MLNR: variants seen among roughly 807,000 people sequenced by gnomAD.
The protein encoded by MLNR is motilin receptor, also known as G protein-coupled receptor 38.
Under a neutral mutation model 20.0 loss-of-function variants are expected in MLNR, and 16 were observed. That is an observed-to-expected ratio of 0.80 (90% CI 0.54 to 1.22). The LOEUF is 1.22. MLNR is among the 50% of genes most tolerant of loss of function. The pLI is 0.00. For synonymous variants in MLNR, 302 were observed against 287.2 expected (o/e 1.05, Z -0.52); for missense variants, 630 against 592.3 (o/e 1.06, Z -0.66).
chr13:49,220,981 C>T lies in MLNR; in HGVS notation c.644C>T (p.Pro215Leu), dbSNP rs1240533952. 4 of 1,489,768 alleles carry T rather than the reference C, an allele frequency of 2.7e-6. No individual in the cohort carries two copies. Among genetic ancestry groups the T allele is most frequent in the Middle Eastern group, 2.0e-4 (1 of 4,970 alleles). 92.3% of individuals were successfully genotyped at this position (1,489,768 alleles called of 1,614,324 possible). ...CCTCTCTGGCTCTCGCGGGCGCCAC[C>T]GCCGTCCCCGCCGTCGGGGCCCGAG... Reference protein sequence around the residue: ...SPPLWLSRAPPPSPPSGPETA... With the variant: ...SPPLWLSRAPLPSPPSGPETA... The change falls in exon 1 of 2, where the codon CCG (proline) becomes CTG (leucine). Residue 215 changes from proline (P) to leucine (L), a missense_variant. Pro to Leu is a moderately conservative substitution (Grantham distance 98, BLOSUM62 -3). Coordinates refer to ENST00000218721, the MANE Select transcript of MLNR (RefSeq NM_001507.1). The surrounding 1 kb of genome is among the most constrained non-coding windows in gnomAD (Gnocchi z 4.4).
rs1236675567 is a variant in MLNR at position 49,222,251 on chromosome 13, C to T, written c.1113C>T (p.Leu371=). Residue 371 remains leucine, a synonymous_variant, in exon 2 of 2, where the codon CTC becomes CTT. Transcript: ENST00000218721. ...KYRAAAFKLL[L]ARKSRPRGFH... ...GAGCGGCGGCCTTTAAACTGCTGCTCGCAAGGAAGTCCAGGCCGAGAGGCT... is the reference window on the plus strand; with the variant it reads ...GAGCGGCGGCCTTTAAACTGCTGCTTGCAAGGAAGTCCAGGCCGAGAGGCT... 6.2e-7 allele frequency: 1 copy of T among 1,613,962 alleles called. No homozygotes were observed. Among genetic ancestry groups the T allele is most frequent in the South Asian group, 1.1e-5 (1 of 91,062 alleles).
intron 1 of MLNR, 125 bp from the exon 2 acceptor site, chr13:49,221,915 A>T: frequency 1.2e-6 from 1 of 839,954 alleles, no homozygotes; most frequent in Non-Finnish European, 1.9e-6. Context: ...GGATCTGCCT[A>T]GGTAGAAGTT....
Position 49,220,792 on chromosome 13 carries a change from G to C in MLNR, c.455G>C (p.Arg152Pro). The change falls in exon 1 of 2, where the codon CGG becomes CCG. Residue 152 changes from arginine to proline, a missense_variant. Arg to Pro is a moderately radical substitution (Grantham distance 103). Coordinates refer to ENST00000218721, the MANE Select transcript of MLNR (RefSeq NM_001507.1). The surrounding 1 kb of genome is among the most constrained non-coding windows in gnomAD (Gnocchi z 4.4). ...CTCCGCGCCCGCGTCTTGGTCACCC[G>C]GCGCCGCGTCCGCGCGCTCATCGCT... ...RPLRARVLVT[R>P]RRVRALIAVL... 1 of 1,565,648 alleles carries C rather than the reference G, an allele frequency of 6.4e-7. No individual in the cohort carries two copies. Among genetic ancestry groups the C allele is most frequent in the Admixed American group, 1.9e-5 (1 of 53,466 alleles).
rs1180665924 is a variant in MLNR, at chr13:49,220,583, GTCCGACC to G, written c.248_254del (p.Ser83TyrfsTer45). ...ACTTGTACCTGGGCAGCATGGCCGT[GTCCGACC>G]TACTCATCCTGCTCGGGCTGCCGTT... On this transcript the variant is annotated frameshift_variant, in exon 1 of 2. Transcript: ENST00000218721. LOFTEE classifies it high-confidence loss of function. This position sits in a 1 kb window ranked among gnomAD's most constrained non-coding sequence, Gnocchi z 4.4. 5 of 1,613,344 alleles carry G rather than the reference GTCCGACC, an allele frequency of 3.1e-6. No individual in the cohort carries two copies. The Admixed American group carries it at 8.3e-5, about 27-fold the overall frequency.
chr13:49,222,002 T>C (rs1168539233), intron 1 of MLNR, 38 bp from the exon 2 acceptor site: 2 of 1,572,012 alleles, frequency 1.3e-6, no homozygotes, highest in East Asian at 2.2e-5. Context: ...TGCTTCCCAA[T>C]GCTTTTGTTA....
intron 1 of MLNR, 124 bp from the exon 2 acceptor site, chr13:49,221,916 G>T: frequency 1.2e-6 from 1 of 866,674 alleles, no homozygotes; most frequent in Non-Finnish European, 1.8e-6. Context: ...GATCTGCCTA[G>T]GTAGAAGTTT....
chr13:49,221,167 G>A lies in MLNR; in HGVS notation c.830G>A (p.Ser277Asn), dbSNP rs1171974675. The change falls in exon 1 of 2, where the codon AGC becomes AAC. Residue 277 changes from serine to asparagine, a missense_variant. Transcript: ENST00000218721. ...YGLIGRELWS[S>N]RRPLRGPAAS... is the part of the protein sequence containing the mutation. ...CTCATCGGGCGGGAGCTGTGGAGCAGCCGGCGGCCGCTGCGAGGCCCGGCC... is the reference window on the plus strand; with the variant it reads ...CTCATCGGGCGGGAGCTGTGGAGCAACCGGCGGCCGCTGCGAGGCCCGGCC... 6.3e-7 allele frequency: 1 copy of A among 1,587,082 alleles called. No homozygotes were observed. The highest frequency in any genetic ancestry group is 8.5e-7 in the Non-Finnish European group (1 of 1,175,574).
chr13:49,220,369 C>T lies in MLNR; in HGVS notation c.32C>T (p.Pro11Leu). 1 of 1,440,078 alleles carries T rather than the reference C, an allele frequency of 6.9e-7. No individual in the cohort carries two copies. Among genetic ancestry groups the T allele is most frequent in the Non-Finnish European group, 9.0e-7 (1 of 1,105,604 alleles). 89.2% of individuals were successfully genotyped at this position (1,440,078 alleles called of 1,614,324 possible). A position where few individuals can be genotyped will look rare whatever the true frequency, so the allele number is the denominator to read the frequency against. ...AGCCCCTGGAACGGCAGCGACGGCC[C>T]CGAGGGGGCGCGGGAGCCGCCGTGG... The part of the protein sequence containing the change: MGSPWNGSDG[P>L]EGAREPPWPA... Residue 11 changes from proline (P) to leucine (L), a missense_variant, in exon 1 of 2, where the codon CCC becomes CTC. By Grantham distance (98) the Pro-to-Leu change is moderately conservative. Coordinates refer to ENST00000218721, the MANE Select transcript of MLNR (RefSeq NM_001507.1). This position sits in a 1 kb window ranked among gnomAD's most constrained non-coding sequence, Gnocchi z 4.4.
chr13:49,221,472 C>T (rs1279352281), intron 1 of MLNR: 2 of 561,312 alleles, frequency 3.6e-6, no homozygotes, highest in African/African-American at 2.0e-5. Flanking sequence ...GTGGGATCCC[C>T]GGATCCGATT....
intron 1 of MLNR, among the ~76,000 whole-genome samples, chr13:49,221,764 G>A (rs1887014560): frequency 6.6e-6 from 1 of 151,690 alleles, no homozygotes; most frequent in Non-Finnish European, 1.5e-5. Flanking sequence ...TTTGTGGAAG[G>A]AAGCCTGCCA....
At position 49,221,073 on chromosome 13, in the gene MLNR, C is replaced by T. The variant is rs761691235; in HGVS notation, c.736C>T (p.Arg246Cys). ...RPSPAQLGALRVMLWVTTAYF... is the reference protein window; with the variant it reads ...RPSPAQLGALCVMLWVTTAYF... ...GAGCCCCGCGCAGCTGGGCGCGCTG[C>T]GTGTCATGCTGTGGGTCACCACCGC... Residue 246 changes from arginine to cysteine, a missense_variant, in exon 1 of 2, where the codon CGT (arginine) becomes TGT (cysteine). Physicochemically the swap from Arg to Cys is radical, Grantham distance 180. Coordinates refer to ENST00000218721, the MANE Select transcript of MLNR (RefSeq NM_001507.1). 11 of 1,579,928 alleles carry T rather than the reference C, an allele frequency of 7.0e-6. No homozygotes were observed. The East Asian group carries it at 2.4e-4, about 34-fold the overall frequency.
Position 49,220,727 on chromosome 13 carries a change from C to CCA in MLNR, c.390_391insCA (p.Ala131GlnfsTer58). The CCA allele has an allele frequency of 6.3e-7, 1 of 1,585,490 alleles. No individual in the cohort carries two copies. Among genetic ancestry groups the CCA allele is most frequent in the East Asian group, 2.3e-5 (1 of 42,834 alleles). ...CCTACGCCACGCTGCTGCACATGAC[C>CCA]GCGCTCAGCGTCGAGCGCTACCTGG... On this transcript the variant is annotated frameshift_variant, in exon 1 of 2. Coordinates refer to ENST00000218721, the MANE Select transcript of MLNR (RefSeq NM_001507.1). LOFTEE classifies it high-confidence loss of function. This position sits in a 1 kb window ranked among gnomAD's most constrained non-coding sequence, Gnocchi z 4.4.
At chr13:49,221,402 C>T in intron 1 of MLNR, 164 bp downstream of exon 1, 1 of 753,982 alleles carries the variant, frequency 1.3e-6, no homozygotes, top group South Asian at 1.7e-5. Flanking sequence ...ACTTCCCATC[C>T]CCCGAGAAAA....
rs747207076 is a variant in MLNR at position 49,221,148 on chromosome 13, GGGCGGGAGCTGTGGAGCAGCC to G, written c.817_837del (p.Glu273_Arg279del). On this transcript the variant is annotated inframe_deletion, in exon 1 of 2. Transcript: ENST00000218721. ...CCTCAGCATCCTCTACGGGCTCATC[GGGCGGGAGCTGTGGAGCAGCC>G]GGCGGCCGCTGCGAGGCCCGGCCGC... is the stretch of plus-strand genomic sequence containing the variant. 10 of 1,590,628 alleles carry G rather than the reference GGGCGGGAGCTGTGGAGCAGCC, an allele frequency of 6.3e-6. No homozygotes were observed. The highest frequency in any genetic ancestry group is 3.4e-4 in the Middle Eastern group (2 of 5,812).
rs199924069 is a variant in MLNR, at chr13:49,222,252, G to A, written c.1114G>A (p.Ala372Thr). ...YRAAAFKLLL[A>T]RKSRPRGFHR... ...AGCGGCGGCCTTTAAACTGCTGCTC[G>A]CAAGGAAGTCCAGGCCGAGAGGCTT... The change falls in exon 2 of 2, where the codon GCA becomes ACA. Residue 372 changes from alanine (A) to threonine (T), a missense_variant. Transcript: ENST00000218721. 3 of 1,613,992 alleles carry A rather than the reference G, an allele frequency of 1.9e-6. No homozygotes were observed. The highest frequency in any genetic ancestry group is 8.5e-7 in the Non-Finnish European group (1 of 1,180,016).
In MLNR at chr13:49,220,764, C is replaced by T. The variant is rs1886993543; in HGVS notation, c.427C>T (p.Pro143Ser). The T allele has an allele frequency of 1.9e-6, 3 of 1,568,322 alleles. No homozygotes were observed. The East Asian group carries it at 7.2e-5, about 37-fold the overall frequency. The change falls in exon 1 of 2, where the codon CCG becomes TCG. Residue 143 changes from proline (P) to serine (S), a missense_variant. Transcript: ENST00000218721. The surrounding 1 kb of genome is among the most constrained non-coding windows in gnomAD (Gnocchi z 4.4). ...CGAGCGCTACCTGGCCATCTGCCGC[C>T]CGCTCCGCGCCCGCGTCTTGGTCAC... is the stretch of plus-strand genomic sequence containing the variant. ...SVERYLAICRPLRARVLVTRR... is the reference protein window; with the variant it reads ...SVERYLAICRSLRARVLVTRR...
In MLNR at chr13:49,220,496, G is replaced by T. The variant is rs1886987039; in HGVS notation, c.159G>T (p.Val53=). ...GCCTGTGCCTGTTCGTCGTCGGGGT[G>T]AGCGGCAACGTGGTGACCGTGATGC... ...AVCLCLFVVG[V]SGNVVTVMLI... Residue 53 remains valine, a synonymous_variant, in exon 1 of 2, where the codon GTG becomes GTT. Coordinates refer to ENST00000218721, the MANE Select transcript of MLNR (RefSeq NM_001507.1). This position sits in a 1 kb window ranked among gnomAD's most constrained non-coding sequence, Gnocchi z 4.4. The T allele has an allele frequency of 4.4e-6, 7 of 1,597,298 alleles. No individual in the cohort carries two copies. The African/African-American group carries it at 8.1e-5, about 18-fold the overall frequency.
rs567386610 is a variant in MLNR, at chr13:49,221,044, G to C, written c.707G>C (p.Arg236Pro). Reference protein sequence around the residue: ...EAAALFSRECRPSPAQLGALR... With the variant: ...EAAALFSRECPPSPAQLGALR... The stretch of plus-strand genomic sequence containing the variant: ...GCGGCGCTGTTCAGCCGCGAATGCC[G>C]GCCGAGCCCCGCGCAGCTGGGCGCG... The change falls in exon 1 of 2, where the codon CGG (arginine) becomes CCG (proline). Residue 236 changes from arginine (R) to proline (P), a missense_variant. Arg to Pro is a moderately radical substitution (Grantham distance 103, BLOSUM62 -2). Transcript: ENST00000218721. The C allele has an allele frequency of 2.8e-5, 44 of 1,567,134 alleles. No homozygotes were observed. The South Asian group carries it at 4.7e-4, about 17-fold the overall frequency.
rs781121645 is a variant in MLNR at position 49,221,218 on chromosome 13, G to A, written c.881G>A (p.Arg294Gln). The change falls in exon 1 of 2, where the codon CGG becomes CAG. Residue 294 changes from arginine to glutamine, a missense_variant. Physicochemically the swap from Arg to Gln is conservative, Grantham distance 43 (BLOSUM62 1). Coordinates refer to ENST00000218721, the MANE Select transcript of MLNR (RefSeq NM_001507.1). ...GCCTCGGGGCGGGAGAGAGGCCACC[G>A]GCAGACCGTCCGCGTCCTGCGTAAG... Reference protein sequence around the residue: ...PAASGRERGHRQTVRVLLVVV... With the variant: ...PAASGRERGHQQTVRVLLVVV... The A allele has an allele frequency of 1.3e-6, 2 of 1,583,972 alleles. No homozygotes were observed. Among genetic ancestry groups the A allele is most frequent in the Non-Finnish European group, 1.7e-6 (2 of 1,173,290 alleles).
Sources: gnomAD v4.1 joint callset for allele counts (sites outside exome capture counted in the v4.1 genomes callset) on GRCh38, gnomAD v4.1.1 for gene constraint, Gnocchi (gnomAD v3.1) non-coding constraint, MANE v1.5 for transcripts, NCBI Gene and HGNC (gene_info 2026-07-23, HGNC 2026-07-21) for gene names.